PDE7B: variants seen among roughly 807,000 people sequenced by gnomAD.
The protein encoded by PDE7B is phosphodiesterase 7B, also known as 3',5'-cyclic-AMP phosphodiesterase 7B.
A neutral mutation model predicts 56.2 loss-of-function variants in PDE7B; 29 were observed. The observed-to-expected ratio is 0.52, with a 90% CI of 0.38 to 0.70. PDE7B has a LOEUF of 0.70. Among genes scored for constraint, PDE7B ranks in the 30% least tolerant of loss-of-function variants. PDE7B has a pLI of 0.00. For missense variants in PDE7B, 490 were observed against 565.0 expected (o/e 0.87, Z 1.35); for synonymous variants, 197 against 196.9 (o/e 1.00, Z 0.00).
intron 11 of PDE7B, among the ~76,000 whole-genome samples, chr6:136,186,300 T>C (rs938280833): frequency 6.6e-6 from 1 of 152,072 alleles, no homozygotes; most frequent in Admixed American, 6.5e-5. Context: ...TGGTGGTGCA[T>C]GCCTGTAGTC....
rs767744537 is a variant in PDE7B at position 136,151,239 on chromosome 6, C to T, written c.462C>T (p.Thr154=). ...LIHHFKLDMV[T]LHRFLVMVQE... ...ACCATTTCAAGTTAGATATGGTGAC[C>T]TTACACCGATTTTTAGGTAAGTCCT... The change falls in exon 6 of 13, where the codon ACC becomes ACT. Residue 154 remains threonine, a synonymous_variant. Transcript: ENST00000308191. The T allele has an allele frequency of 6.3e-7, 1 of 1,593,504 alleles. No individual in the cohort carries two copies. Among genetic ancestry groups the T allele is most frequent in the Admixed American group, 1.7e-5 (1 of 59,966 alleles).
intron 1 of PDE7B, among the ~76,000 whole-genome samples, chr6:135,942,278 C>T (rs969994263): frequency 6.6e-6 from 1 of 151,976 alleles, no homozygotes; most frequent in African/African-American, 2.4e-5. Context: ...TTTGCTAGAA[C>T]ATATTATTTA....
At chr6:135,958,994 C>T (rs1774851250) in intron 2 of PDE7B, among the ~76,000 whole-genome samples, 1 of 152,176 alleles carries the variant, frequency 6.6e-6, no homozygotes, top group Non-Finnish European at 1.5e-5. Context: ...TACCCAACCA[C>T]ATAGGAGCCT....
At chr6:136,191,464 C>A in intron 12 of PDE7B, 150 bp from the exon 13 acceptor site, 1 of 683,174 alleles carries the variant, frequency 1.5e-6, no homozygotes, top group Admixed American at 2.5e-5. Context: ...GTCGGGAGTT[C>A]AAGGCCAACC....
intron 1 of PDE7B, among the ~76,000 whole-genome samples, chr6:135,940,874 A>G (rs1184715207): frequency 2.0e-5 from 3 of 152,248 alleles, no homozygotes; most frequent in South Asian, 4.1e-4. Flanking sequence ...GTAAGGAATT[A>G]TTCATTCATT....
In PDE7B at chr6:136,192,713, G is replaced by T. The variant is rs1046497993; in HGVS notation, c.*873G>T. 1 of 152,622 alleles carries T rather than the reference G, an allele frequency of 6.6e-6. No individual in the cohort carries two copies. The highest frequency in any genetic ancestry group is 1.5e-5 in the Non-Finnish European group (1 of 68,036). 9.5% of individuals were successfully genotyped at this position (152,622 alleles called of 1,614,324 possible). On this transcript the variant is annotated 3_prime_UTR_variant, in exon 13 of 13. Transcript: ENST00000308191. The stretch of plus-strand genomic sequence containing the variant: ...TGCTACCTGTATAAACAATGGCACT[G>T]TGAAAATACTGTTAGTTTTAATACA...
chr6:135,949,961 T>C (rs1486611116), intron 2 of PDE7B, among the ~76,000 whole-genome samples: 1 of 152,108 alleles, frequency 6.6e-6, no homozygotes, highest in Non-Finnish European at 1.5e-5. Context: ...TTTAAGAGAA[T>C]TGCTGCAACT....
At chr6:135,993,513 C>T (rs981412761) in intron 2 of PDE7B, among the ~76,000 whole-genome samples, 2 of 152,260 alleles carry the variant, frequency 1.3e-5, no homozygotes, top group South Asian at 4.1e-4. Context: ...GCTGAGAAGG[C>T]AGCAAGACTG....
chr6:136,055,854 A>C (rs1023050589), intron 2 of PDE7B, among the ~76,000 whole-genome samples: 2 of 152,238 alleles, frequency 1.3e-5, no homozygotes, highest in Non-Finnish European at 2.9e-5. Context: ...AGCAGAAACG[A>C]AACAAGGTTC....
chr6:135,885,084 C>T (rs777952574), intron 1 of PDE7B, among the ~76,000 whole-genome samples: 1 of 152,124 alleles, frequency 6.6e-6, no homozygotes, highest in East Asian at 1.9e-4. Context: ...ATCCAACCCT[C>T]CACTCTCCTG....
rs1779243586 is a variant in PDE7B at position 136,192,304 on chromosome 6, T to A, written c.*464T>A. The A allele has an allele frequency of 6.5e-6, 1 of 152,836 alleles. No individual in the cohort carries two copies. The highest frequency in any genetic ancestry group is 1.5e-5 in the Non-Finnish European group (1 of 68,220). 9.5% of individuals were successfully genotyped at this position (152,836 alleles called of 1,614,324 possible). On this transcript the variant is annotated 3_prime_UTR_variant, in exon 13 of 13. Transcript: ENST00000308191. ...AAGTGCAAGAGCACAAATGAGAGTG[T>A]GAGAGAAAGTACCTTCTATTTTAAT...
At chr6:136,140,078 T>C (rs1009429842) in intron 3 of PDE7B, among the ~76,000 whole-genome samples, 22 of 152,330 alleles carry the variant, frequency 1.4e-4, no homozygotes, top group Admixed American at 2.0e-4. Context: ...TGCCTAGGTT[T>C]TCTTCTAGGG....
chr6:135,932,576 A>G (rs909390072), intron 1 of PDE7B, among the ~76,000 whole-genome samples: 1 of 152,212 alleles, frequency 6.6e-6, no homozygotes, highest in African/African-American at 2.4e-5. Context: ...AGATAGATAA[A>G]TATATAGATG....
chr6:136,039,396 T>TGAAGTCTTGGCTAGGCCTATGCAGTG (rs1776378843), intron 2 of PDE7B, among the ~76,000 whole-genome samples: 2 of 152,212 alleles, frequency 1.3e-5, no homozygotes, highest in African/African-American at 4.8e-5. Flanking sequence ...TTTATGCATC[T>TGAAGTCTTGGCTAGGCCTATGCAGTG]GAAGTCTTGG....
chr6:135,993,543 C>G (rs1775510080), intron 2 of PDE7B, among the ~76,000 whole-genome samples: 1 of 152,200 alleles, frequency 6.6e-6, no homozygotes, highest in African/African-American at 2.4e-5. Flanking sequence ...GGCACAGAAG[C>G]AGCCTTCTTC....
intron 2 of PDE7B, among the ~76,000 whole-genome samples, chr6:136,099,435 C>T (rs548558278): frequency 6.6e-6 from 1 of 152,326 alleles, no homozygotes; most frequent in Admixed American, 6.5e-5. Flanking sequence ...TCTCCAGCAT[C>T]TGTTGTTTCC....
chr6:136,007,987 C>T (rs918527937), intron 2 of PDE7B, among the ~76,000 whole-genome samples: 1 of 151,450 alleles, frequency 6.6e-6, no homozygotes, highest in African/African-American at 2.4e-5. Flanking sequence ...TCCCCCATCC[C>T]CCCACCCCAC....
At chr6:136,027,509 A>G (rs1045865407) in intron 2 of PDE7B, among the ~76,000 whole-genome samples, 2 of 152,210 alleles carry the variant, frequency 1.3e-5, no homozygotes, top group East Asian at 3.8e-4. Context: ...AACAAATTCT[A>G]TACTATATAA....
chr6:136,072,336 C>T (rs886969590), intron 2 of PDE7B, among the ~76,000 whole-genome samples: 1 of 152,090 alleles, frequency 6.6e-6, no homozygotes, highest in Non-Finnish European at 1.5e-5. Flanking sequence ...TTAGATAGCT[C>T]ATGGCATAGC....
Sources: allele counts gnomAD v4.1 joint callset (sites outside exome capture counted in the v4.1 genomes callset), GRCh38; gene constraint gnomAD v4.1.1; transcripts MANE v1.5; gene names NCBI Gene and HGNC (gene_info 2026-07-23, HGNC 2026-07-21).